BCL9L: variants seen among roughly 807,000 people sequenced by gnomAD.
BCL9L encodes B-cell CLL/lymphoma 9-like protein.
Under a neutral mutation model 99.4 loss-of-function variants are expected in BCL9L, and 19 were observed. The ratio of observed to expected loss-of-function variants is 0.19; its 90% confidence interval spans 0.13 to 0.28. The LOEUF (loss-of-function observed/expected upper bound fraction) is 0.28, where lower values mean the gene tolerates loss of function less well. Ranked by LOEUF, BCL9L falls within the 10% of genes least tolerant of loss-of-function variation. The probability of loss-of-function intolerance (pLI) is 1.00; values close to 1 mark genes in which losing one functional copy is unlikely to be tolerated. For synonymous variants in BCL9L, 900 were observed against 854.8 expected (o/e 1.05, Z -0.92); for missense variants, 2,023 against 2,101.6 (o/e 0.96, Z 0.73).
rs1405821787 is a variant in BCL9L at position 118,898,625 on chromosome 11, C to T, written c.4290G>A (p.Gln1430=). ...GCTGCTTCATCAGCATGAAATTCTG[C>T]TGGGTCATGAGGCCTTGTGGAGGGG... is the stretch of plus-strand genomic sequence containing the variant. ...VMSPPQGLMT[Q]QNFMLMKQRG... is the part of the protein sequence containing the mutation. The change falls in exon 10 of 10, where the codon CAG becomes CAA. Residue 1430 remains glutamine, a synonymous_variant. Transcript: ENST00000683865. 2 of 1,612,508 alleles carry T rather than the reference C, an allele frequency of 1.2e-6. No individual in the cohort carries two copies. Among genetic ancestry groups the T allele is most frequent in the Admixed American group, 1.7e-5 (1 of 59,934 alleles).
At chr11:118,908,708 T>A (rs1940644208) in intron 3 of BCL9L, 53 bp from the exon 4 acceptor site, 1 of 1,507,738 alleles carries the variant, frequency 6.6e-7, no homozygotes, top group Middle Eastern at 2.4e-4. Flanking sequence ...GGGCTAGGCA[T>A]GCCTGCAACT....
At position 118,903,468 on chromosome 11, in the gene BCL9L, C is replaced by A. The variant is rs1415489622; in HGVS notation, c.533-16G>T. On this transcript the variant is annotated splice_polypyrimidine_tract_variant and intron_variant, in intron 5 of 9. Transcript: ENST00000683865. The surrounding 1 kb of genome is among the most constrained non-coding windows in gnomAD (Gnocchi z 5.6). ...ACATTACAATCTGCAGGAGAGAGGACAGGGAAAGGGGCTAAGTGGTCTAGA... is the reference window on the plus strand; with the variant it reads ...ACATTACAATCTGCAGGAGAGAGGAAAGGGAAAGGGGCTAAGTGGTCTAGA... The A allele has an allele frequency of 7.4e-6, 12 of 1,612,300 alleles. No homozygotes were observed. The highest frequency in any genetic ancestry group is 1.0e-5 in the Non-Finnish European group (12 of 1,179,094).
chr11:118,901,285 C>A lies in BCL9L; in HGVS notation c.2458G>T (p.Val820Phe), dbSNP rs1212248086. The A allele has an allele frequency of 3.7e-6, 6 of 1,613,910 alleles. No individual in the cohort carries two copies. Among genetic ancestry groups the A allele is most frequent in the East Asian group, 2.2e-5 (1 of 44,878 alleles). ...ACGCCACTGCTGTTCTGGGCCCGAA[C>A]CCGGGCCATCTCCTCAGGACTGAGG... ...QGLSPEEMAR[V>F]RAQNSSGVMG... is the part of the protein sequence containing the mutation. Residue 820 changes from valine to phenylalanine, a missense_variant, in exon 8 of 10, where the codon GTT (valine) becomes TTT (phenylalanine). Physicochemically the swap from Val to Phe is conservative, Grantham distance 50. Around this residue, in one of 3 missense-constraint regions of BCL9L, gnomAD observed 1,116 missense variants for 1,194.6 expected, o/e 0.93. Transcript: ENST00000683865. This position sits in a 1 kb window ranked among gnomAD's most constrained non-coding sequence, Gnocchi z 6.6.
Position 118,922,155 on chromosome 11 carries a change from G to C in BCL9L, c.-131+3083C>G, listed in dbSNP as rs1171214604. On this transcript the variant is annotated intron_variant, in intron 1 of 9. Transcript: ENST00000683865. The surrounding 1 kb of genome is among the most constrained non-coding windows in gnomAD (Gnocchi z 6.2). ...AGTCAGGCTGAGTTCTCCCAGGAGG[G>C]GAGGGAGGGGAGGTCAGGCCAGGCT... Among the ~76,000 whole-genome samples, 1 of 152,114 alleles carries C rather than the reference G, an allele frequency of 6.6e-6. No individual in the cohort carries two copies.
rs1352185829 is a variant in BCL9L at position 118,901,837 on chromosome 11, C to T, written c.1906G>A (p.Gly636Ser). The change falls in exon 8 of 10, where the codon GGC (glycine) becomes AGC (serine). Residue 636 changes from glycine to serine, a missense_variant. Gly to Ser is a moderately conservative substitution (Grantham distance 56). Transcript: ENST00000683865. The surrounding 1 kb of genome is among the most constrained non-coding windows in gnomAD (Gnocchi z 6.6). ...GGCAAGTCTTCGGTCCAGCCCATGC[C>T]TGGTCTCACGGGCCTCTGCATGGCA... ...MNAMQRPVRPGMGWTEDLPPM... is the reference protein window; with the variant it reads ...MNAMQRPVRPSMGWTEDLPPM... 9 of 1,610,006 alleles carry T rather than the reference C, an allele frequency of 5.6e-6. No individual in the cohort carries two copies. Among genetic ancestry groups the T allele is most frequent in the Non-Finnish European group, 6.8e-6 (8 of 1,176,640 alleles).
intron 1 of BCL9L, among the ~76,000 whole-genome samples, chr11:118,920,672 A>G (rs1279483453): frequency 6.6e-6 from 1 of 152,176 alleles, no homozygotes; most frequent in African/African-American, 2.4e-5. Context: ...CCACCACTGT[A>G]TAATCAGGAC....
chr11:118,902,917 G>A lies in BCL9L; in HGVS notation c.835-9C>T. On this transcript the variant is annotated splice_polypyrimidine_tract_variant and intron_variant, in intron 7 of 9. Coordinates refer to ENST00000683865, the MANE Select transcript of BCL9L (RefSeq NM_001378213.1). The surrounding 1 kb of genome is among the most constrained non-coding windows in gnomAD (Gnocchi z 7.8). ...GGGGGCACTTTAGGGGCCTGCAGAA[G>A]GACAAAGAGAGCATGAGACAGGTAA... 6.3e-7 allele frequency: 1 copy of A among 1,585,844 alleles called. No individual in the cohort carries two copies. The highest frequency in any genetic ancestry group is 8.5e-7 in the Non-Finnish European group (1 of 1,171,118).
In BCL9L at chr11:118,907,526, T is replaced by G. The variant is rs766338227; in HGVS notation, c.489A>C (p.Gly163=). 3.7e-6 allele frequency: 6 copies of G among 1,614,162 alleles called. No homozygotes were observed. The highest frequency in any genetic ancestry group is 5.1e-6 in the Non-Finnish European group (6 of 1,180,020). Residue 163 remains glycine (G), a synonymous_variant, in exon 5 of 10, where the codon GGA becomes GGC. Coordinates refer to ENST00000683865, the MANE Select transcript of BCL9L (RefSeq NM_001378213.1). ...QPYSGDEWCS[G]PDSEEDDKPI... is the part of the protein sequence containing the mutation. Reference sequence around the variant, plus strand: ...GCTTGTCGTCCTCCTCACTGTCCGGTCCAGAGCACCATTCGTCCCCACTGT... The same window carrying G: ...GCTTGTCGTCCTCCTCACTGTCCGGGCCAGAGCACCATTCGTCCCCACTGT...
chr11:118,907,608 C>T lies in BCL9L; in HGVS notation c.413-6G>A. ...CTTACTCCGCGGCGCCACCTCTGCCCAGGCAGGACGGAGGAAAGAGTGAGT... is the reference window on the plus strand; with the variant it reads ...CTTACTCCGCGGCGCCACCTCTGCCTAGGCAGGACGGAGGAAAGAGTGAGT... On this transcript the variant is annotated splice_polypyrimidine_tract_variant and splice_region_variant and intron_variant, in intron 4 of 9. Coordinates refer to ENST00000683865, the MANE Select transcript of BCL9L (RefSeq NM_001378213.1). 1 of 1,611,408 alleles carries T rather than the reference C, an allele frequency of 6.2e-7. No homozygotes were observed. Among genetic ancestry groups the T allele is most frequent in the Non-Finnish European group, 8.5e-7 (1 of 1,180,004 alleles).
At position 118,901,475 on chromosome 11, in the gene BCL9L, A is replaced by G. The variant is rs771890417; in HGVS notation, c.2268T>C (p.Ser756=). 1 of 1,614,066 alleles carries G rather than the reference A, an allele frequency of 6.2e-7. No individual in the cohort carries two copies. The change falls in exon 8 of 10, where the codon TCT becomes TCC. Residue 756 remains serine, a synonymous_variant. Transcript: ENST00000683865. The surrounding 1 kb of genome is among the most constrained non-coding windows in gnomAD (Gnocchi z 6.6). ...TGGGTGGGTCCACCTCCCTCAGCCC[A>G]GACTGCCCCATGGGAGGGCTCAGGA... ...RGLLSPPMGQ[S]GLREVDPPMG... is the part of the protein sequence containing the mutation.
intron 2 of BCL9L, chr11:118,910,390 A>C (rs945990684): frequency 3.7e-5 from 6 of 160,652 alleles, no homozygotes; most frequent in South Asian, 1.6e-4. Flanking sequence ...CTCGTGCCCC[A>C]CCCCCAGAGC....
At chr11:118,919,722 G>A (rs1156449953) in intron 1 of BCL9L, among the ~76,000 whole-genome samples, 2 of 152,110 alleles carry the variant, frequency 1.3e-5, no homozygotes, top group African/African-American at 4.8e-5. Flanking sequence ...GTCTGCTGGG[G>A]AGGAGACCTT....
chr11:118,904,231 A>G (rs1290512805), intron 5 of BCL9L, among the ~76,000 whole-genome samples: 2 of 152,050 alleles, frequency 1.3e-5, no homozygotes, highest in Non-Finnish European at 2.9e-5. Flanking sequence ...ACCTGAGGTC[A>G]TGAGTTCAAG....
Position 118,902,779 on chromosome 11 carries a change from G to A in BCL9L, c.964C>T (p.Pro322Ser), listed in dbSNP as rs1468048447. Reference protein sequence around the residue: ...PAPGSAPPALPPEGPPEDSSQ... With the variant: ...PAPGSAPPALSPEGPPEDSSQ... ...CTGTCCTCAGGAGGCCCCTCTGGGGGCAGAGCAGGCGGGGCACTGCCAGGG... is the reference window on the plus strand; with the variant it reads ...CTGTCCTCAGGAGGCCCCTCTGGGGACAGAGCAGGCGGGGCACTGCCAGGG... The change falls in exon 8 of 10, where the codon CCC (proline) becomes TCC (serine). Residue 322 changes from proline to serine, a missense_variant. Transcript: ENST00000683865. The surrounding 1 kb of genome is among the most constrained non-coding windows in gnomAD (Gnocchi z 7.8). The A allele has an allele frequency of 6.3e-7, 1 of 1,576,942 alleles. No homozygotes were observed. Among genetic ancestry groups the A allele is most frequent in the Non-Finnish European group, 8.6e-7 (1 of 1,168,836 alleles).
rs894674271 is a variant in BCL9L at position 118,903,109 on chromosome 11, G to T, written c.750-35C>A. 38 of 1,554,230 alleles carry T rather than the reference G, an allele frequency of 2.4e-5. No individual in the cohort carries two copies. Among genetic ancestry groups the T allele is most frequent in the Non-Finnish European group, 3.2e-5 (37 of 1,153,736 alleles). ...GTGGGGGCACCGACAGCTCAGAGAG[G>T]TGAGCAGGAGGGAGCCCCACCCTCA... is the stretch of plus-strand genomic sequence containing the variant. On this transcript the variant is annotated intron_variant, in intron 6 of 9. Transcript: ENST00000683865. This position sits in a 1 kb window ranked among gnomAD's most constrained non-coding sequence, Gnocchi z 5.6.
rs752770362 is a variant in BCL9L at position 118,902,418 on chromosome 11, C to T, written c.1325G>A (p.Gly442Asp). 4.4e-6 allele frequency: 7 copies of T among 1,573,472 alleles called. No homozygotes were observed. The highest frequency in any genetic ancestry group is 1.2e-5 in the South Asian group (1 of 85,028). ...KGPPGGAGEG[G>D]PPAQAPPPPQ... ...GGGAGGGGGGGCTTGTGCTGGTGGG[C>T]CCCCCTCACCCGCTCCTCCTGGGGG... Residue 442 changes from glycine (G) to aspartate (D), a missense_variant, in exon 8 of 10, where the codon GGC (glycine) becomes GAC (aspartate). By Grantham distance (94) the Gly-to-Asp change is moderately conservative (BLOSUM62 -1). Transcript: ENST00000683865. This position sits in a 1 kb window ranked among gnomAD's most constrained non-coding sequence, Gnocchi z 7.8.
chr11:118,910,877 A>G (rs1170107842), intron 2 of BCL9L: 1 of 78,228 alleles, frequency 1.3e-5, no homozygotes, highest in Non-Finnish European at 2.3e-5. Flanking sequence ...CACAGCTCAC[A>G]CGTGGACAGG....
chr11:118,923,232 C>T (rs1243141390), intron 1 of BCL9L, among the ~76,000 whole-genome samples: 2 of 152,160 alleles, frequency 1.3e-5, no homozygotes, highest in Admixed American at 6.5e-5. Context: ...CCCCTTTGCT[C>T]GGCATCTCCT....
intron 2 of BCL9L, among the ~76,000 whole-genome samples, chr11:118,918,142 T>C (rs1941023111): frequency 2.6e-5 from 4 of 152,124 alleles, no homozygotes; most frequent in Admixed American, 2.6e-4. Context: ...GAGAAGTGCC[T>C]CCTCCCAGTC....
Sources: gnomAD v4.1 joint callset for allele counts (sites outside exome capture counted in the v4.1 genomes callset) on GRCh38, gnomAD v4.1.1 for gene constraint, gnomAD v4.1.1 regional missense constraint, Gnocchi (gnomAD v3.1) non-coding constraint, MANE v1.5 for transcripts, NCBI Gene and HGNC (gene_info 2026-07-23, HGNC 2026-07-21) for gene names.